The following ABHD3 variants were observed in gnomAD, a reference collection of about 807,000 sequenced individuals.
The protein encoded by ABHD3 is abhydrolase domain containing 3, phospholipase.
A neutral mutation model predicts 48.8 loss-of-function variants in ABHD3; 46 were observed. The observed-to-expected ratio is 0.94, with a 90% CI of 0.74 to 1.20. ABHD3 has a LOEUF of 1.20. ABHD3 is among the 50% of genes most tolerant of loss of function. ABHD3 has a pLI of 0.00. For missense variants in ABHD3, 490 were observed against 497.8 expected, an observed-to-expected ratio of 0.98 and a Z score of 0.15; for synonymous variants, 192 against 183.7, an observed-to-expected ratio of 1.04 and a Z score of -0.36.
chr18:21,664,085 C>A, intron 5 of ABHD3, 33 bp downstream of exon 5: 1 of 1,589,542 alleles, frequency 6.3e-7, no homozygotes, highest in African/African-American at 1.4e-5. Context: ...TAGCTTCCCT[C>A]TCAGAGATTA....
At chr18:21,676,018 T>C (rs935673283) in intron 4 of ABHD3, among the ~76,000 whole-genome samples, 4 of 152,200 alleles carry the variant, frequency 2.6e-5, no homozygotes, top group East Asian at 1.9e-4. Context: ...CTTCCTCTTC[T>C]TCTACAGGCA....
rs557849694 is a variant in ABHD3, at chr18:21,660,257, A to T, written c.669-914T>A. Among the ~76,000 whole-genome samples, 3 of 147,940 alleles carry T rather than the reference A, an allele frequency of 2.0e-5. No individual in the cohort carries two copies. The East Asian group carries it at 6.0e-4, about 30-fold the overall frequency. ...TGATGTCTAGGTCTTACCCTGAGAG[A>T]TTGTGAGTTAACTGGTCTGGATCAC... On this transcript the variant is annotated intron_variant, in intron 5 of 8. Transcript: ENST00000289119.
intron 3 of ABHD3, among the ~76,000 whole-genome samples, chr18:21,684,765 G>T (rs752237819): frequency 6.6e-5 from 10 of 152,186 alleles, no homozygotes; most frequent in Non-Finnish European, 1.5e-4. Flanking sequence ...TTTACATGAG[G>T]TGTAAACATC....
rs761873298 is a variant in ABHD3, at chr18:21,651,759, A to G, written c.1062T>C (p.Ile354=). The change falls in exon 9 of 9, where the codon ATT becomes ATC. Residue 354 remains isoleucine (I), a synonymous_variant. Coordinates refer to ENST00000289119, the MANE Select transcript of ABHD3 (RefSeq NM_138340.5). ...GATTTTGCTTAGCAGTTTCTATTGG[A>G]ATAGCTTCAGACCAAAAAAAACATG... ...VDDVFSPSHA[I]PIETAKQNPN... is the part of the protein sequence containing the mutation. 6.4e-7 allele frequency: 1 copy of G among 1,550,572 alleles called. No individual in the cohort carries two copies. The highest frequency in any genetic ancestry group is 1.2e-5 in the South Asian group (1 of 82,582).
intron 4 of ABHD3, among the ~76,000 whole-genome samples, chr18:21,681,663 T>G (rs918672279): frequency 5.9e-5 from 9 of 152,188 alleles, no homozygotes; most frequent in Non-Finnish European, 1.2e-4. Context: ...GGAGTCTACA[T>G]GTGATTCTGG....
At chr18:21,652,005 A>G (rs769823908) in intron 8 of ABHD3, among the ~76,000 whole-genome samples, 5 of 152,198 alleles carry the variant, frequency 3.3e-5, no homozygotes, top group African/African-American at 4.8e-5. Flanking sequence ...GGAAGAATCA[A>G]TCCAAGATTG....
Position 21,659,265 on chromosome 18 carries a change from C to T in ABHD3, c.747G>A (p.Trp249Ter). Residue 249 changes from tryptophan (W) to a stop codon, truncating the protein, a stop_gained, in exon 6 of 9, where the codon TGG (tryptophan) becomes TGA (stop). Transcript: ENST00000289119. LOFTEE classifies it high-confidence loss of function. ...LMAAATFSVG[W>*]NTFACSESLE... ...ATGACTCTGAGCAAGCGAAGGTGTT[C>T]CAACCAACGGAAAAAGTTGCAGCTG... is the stretch of plus-strand genomic sequence containing the variant. 6.2e-7 allele frequency: 1 copy of T among 1,613,816 alleles called. No homozygotes were observed. Among genetic ancestry groups the T allele is most frequent in the Non-Finnish European group, 8.5e-7 (1 of 1,179,898 alleles).
At chr18:21,677,426 C>T (rs1043689300) in intron 4 of ABHD3, among the ~76,000 whole-genome samples, 11 of 149,932 alleles carry the variant, frequency 7.3e-5, no homozygotes, top group Non-Finnish European at 1.2e-4. Context: ...AGGATGGTCT[C>T]GATCTCCTGA....
chr18:21,667,234 CTTTTTTTTTTTT>C (rs745430805), intron 4 of ABHD3, among the ~76,000 whole-genome samples: 2 of 81,474 alleles, frequency 2.5e-5, no homozygotes, highest in Non-Finnish European at 4.4e-5. Context: ...CCACCACACC[CTTTTTTTTTTTT>C]TTTTTTTTTT....
chr18:21,697,658 G>C (rs1418110575), intron 3 of ABHD3, among the ~76,000 whole-genome samples: 2 of 152,206 alleles, frequency 1.3e-5, no homozygotes, highest in African/African-American at 4.8e-5. Flanking sequence ...TGGGATAAGA[G>C]GCCAGAGCCA....
intron 5 of ABHD3, among the ~76,000 whole-genome samples, chr18:21,663,507 T>C (rs572697411): frequency 6.7e-6 from 1 of 149,660 alleles, no homozygotes; most frequent in East Asian, 2.0e-4. Flanking sequence ...TAAGCCTAAA[T>C]AGGAAAGTTC....
intron 4 of ABHD3, among the ~76,000 whole-genome samples, chr18:21,678,499 TTC>T (rs1283718396): frequency 1.3e-5 from 2 of 152,082 alleles, no homozygotes; most frequent in Admixed American, 6.6e-5. Context: ...AAAAATAGCT[TTC>T]TGTGTCTACA....
chr18:21,704,768 C>A lies in ABHD3; in HGVS notation c.-103G>T, dbSNP rs947825030. ...ACGCGGCGCCGCTGCCTACTCCCGA[C>A]CACAGTGTCTCCTGCCTGGCGGAGC... On this transcript the variant is annotated 5_prime_UTR_variant, in exon 1 of 9. Transcript: ENST00000289119. 1.1e-5 allele frequency: 12 copies of A among 1,068,120 alleles called. No homozygotes were observed. In the Admixed American group the frequency reaches 2.7e-4, roughly 24 times the overall value. 66.2% of individuals were successfully genotyped at this position (1,068,120 alleles called of 1,614,324 possible).
chr18:21,660,130 TAAAAAAAA>T (rs34163742), intron 5 of ABHD3, among the ~76,000 whole-genome samples: 5 of 122,354 alleles, frequency 4.1e-5, no homozygotes, highest in African/African-American at 1.7e-4. Flanking sequence ...CACAGCTAAT[TAAAAAAAA>T]AAAAAAAAAT....
At chr18:21,666,634 ATTTTC>A (rs1282133766) in intron 4 of ABHD3, among the ~76,000 whole-genome samples, 1 of 152,124 alleles carries the variant, frequency 6.6e-6, no homozygotes, top group East Asian at 1.9e-4. Flanking sequence ...CTGGCCAAAC[ATTTTC>A]TTTTCTAATA....
chr18:21,702,288 T>TG, intron 3 of ABHD3, 28 bp downstream of exon 3: 2 of 1,524,324 alleles, frequency 1.3e-6, no homozygotes, highest in East Asian at 2.3e-5. Context: ...ATGGATCAAG[T>TG]GAAAAAAAAG....
At chr18:21,653,081 G>GAAAA (rs2039264415) in intron 8 of ABHD3, among the ~76,000 whole-genome samples, 4 of 55,246 alleles carry the variant, frequency 7.2e-5, no homozygotes, top group African/African-American at 2.4e-4. Context: ...AAAAAAAAAA[G>GAAAA]AGCTGGGTGT....
intron 4 of ABHD3, among the ~76,000 whole-genome samples, chr18:21,672,537 A>C (rs1249650451): frequency 6.6e-6 from 1 of 152,216 alleles, no homozygotes; most frequent in African/African-American, 2.4e-5. Flanking sequence ...AATGATTTGC[A>C]CTCAAATATT....
intron 4 of ABHD3, among the ~76,000 whole-genome samples, chr18:21,671,810 TA>T (rs1306159930): frequency 6.6e-6 from 1 of 152,202 alleles, no homozygotes; most frequent in Non-Finnish European, 1.5e-5. Context: ...TTATCATTAT[TA>T]TTTTTTATAG....
Sources: gnomAD v4.1 joint callset for allele counts (sites outside exome capture counted in the v4.1 genomes callset) on GRCh38, gnomAD v4.1.1 for gene constraint, MANE v1.5 for transcripts, NCBI Gene and HGNC (gene_info 2026-07-23, HGNC 2026-07-21) for gene names.